The following PXN variants were observed in gnomAD, a reference collection of about 807,000 sequenced individuals.
PXN encodes paxillin.
A neutral mutation model predicts 103.6 loss-of-function variants in PXN; 61 were observed. The ratio of observed to expected loss-of-function variants is 0.59; its 90% CI spans 0.48 to 0.73. PXN has a LOEUF of 0.73. PXN is among the 30% of genes least tolerant of loss of function. The pLI is 0.00. For missense variants in PXN, 1,274 were observed against 1,460.3 expected (o/e 0.87, Z 2.08); for synonymous variants, 562 against 607.8 (o/e 0.92, Z 1.11).
In PXN at chr12:120,221,067, G is replaced by A. The variant is rs1884997175; in HGVS notation, c.831+556C>T. Reference sequence around the variant, plus strand: ...AAGCCTGGCCCCATGGTTTCCCACAGACACGCTCGTGGGAACTCAGAGGCC... The same window carrying A: ...AAGCCTGGCCCCATGGTTTCCCACAAACACGCTCGTGGGAACTCAGAGGCC... On this transcript the variant is annotated intron_variant, in intron 6 of 14. Coordinates refer to ENST00000637617, the MANE Select transcript of PXN (RefSeq NM_001385981.1). This position sits in a 1 kb window ranked among gnomAD's most constrained non-coding sequence, Gnocchi z 6.6. Among the ~76,000 whole-genome samples the A allele has an allele frequency of 6.6e-6, 1 of 152,172 alleles. No homozygotes were observed. Among genetic ancestry groups the A allele is most frequent in the African/African-American group, 2.4e-5 (1 of 41,438 alleles).
At chr12:120,231,886 C>T (rs1250235493) in intron 1 of PXN, among the ~76,000 whole-genome samples, 1 of 152,230 alleles carries the variant, frequency 6.6e-6, no homozygotes, top group East Asian at 1.9e-4. Flanking sequence ...GCAGCCACTT[C>T]CCCATCAAAT....
Position 120,219,534 on chromosome 12 carries a change from C to T in PXN, c.1389G>A (p.Glu463=), listed in dbSNP as rs1367675876. 6.3e-7 allele frequency: 1 copy of T among 1,590,552 alleles called. No homozygotes were observed. Among genetic ancestry groups the T allele is most frequent in the Non-Finnish European group, 8.5e-7 (1 of 1,176,046 alleles). Residue 463 remains glutamate (E), a synonymous_variant, in exon 7 of 15, where the codon GAG becomes GAA. Coordinates refer to ENST00000637617, the MANE Select transcript of PXN (RefSeq NM_001385981.1). The surrounding 1 kb of genome is among the most constrained non-coding windows in gnomAD (Gnocchi z 6.5). The part of the protein sequence containing the change: ...GAARSFQEVT[E]PAVVAVDRQA... The stretch of plus-strand genomic sequence containing the variant: ...GCCGGTCCACTGCCACTACAGCTGG[C>T]TCTGTTACTTCTTGGAAGCTTCGAG...
rs753277174 is a variant in PXN at position 120,216,867 on chromosome 12, G to A, written c.1966C>T (p.Arg656Trp). 16 of 1,506,176 alleles carry A rather than the reference G, an allele frequency of 1.1e-5. No homozygotes were observed. In the East Asian group the frequency reaches 1.7e-4, roughly 16 times the overall value. 93.3% of individuals were successfully genotyped at this position (1,506,176 alleles called of 1,614,324 possible). ...TTCTCTACGAGCTGCCCCCCGGCCC[G>A]CTTCCCACGTGGCTGCACAGTGATG... is the stretch of plus-strand genomic sequence containing the variant. ...VIITVQPRGK[R>W]AGGQLVEKVV... Residue 656 changes from arginine (R) to tryptophan (W), a missense_variant, in exon 8 of 15, where the codon CGG (arginine) becomes TGG (tryptophan). Physicochemically the swap from Arg to Trp is moderately radical, Grantham distance 101. Coordinates refer to ENST00000637617, the MANE Select transcript of PXN (RefSeq NM_001385981.1). The surrounding 1 kb of genome is among the most constrained non-coding windows in gnomAD (Gnocchi z 5.1).
intron 1 of PXN, among the ~76,000 whole-genome samples, chr12:120,235,892 C>T (rs1178591239): frequency 6.6e-6 from 1 of 152,174 alleles, no homozygotes; most frequent in Non-Finnish European, 1.5e-5. Context: ...GCCCCGGGAA[C>T]CAACCTCTGA....
chr12:120,261,796 G>A (rs1323119452), intron 1 of PXN, among the ~76,000 whole-genome samples: 2 of 152,226 alleles, frequency 1.3e-5, no homozygotes, highest in Admixed American at 1.3e-4. Flanking sequence ...TGAACCTATA[G>A]TGACAGGGCT....
chr12:120,238,283 C>T (rs1033845308), intron 1 of PXN, among the ~76,000 whole-genome samples: 5 of 152,140 alleles, frequency 3.3e-5, no homozygotes, highest in South Asian at 2.1e-4. Flanking sequence ...AATGAGACCA[C>T]GTCGTAGTTA....
chr12:120,229,600 T>C lies in PXN; in HGVS notation c.14-5223A>G, dbSNP rs1057027805. ...CCCAATAGGAATTCCACCATTTTAC[T>C]CACAGGATTGGGACTACATGAGAAA... On this transcript the variant is annotated intron_variant, in intron 1 of 14. Transcript: ENST00000637617. The surrounding 1 kb of genome is among the most constrained non-coding windows in gnomAD (Gnocchi z 4.0). 5.3e-5 allele frequency among the ~76,000 whole-genome samples: 8 copies of C among 152,148 alleles called. No homozygotes were observed. The highest frequency in any genetic ancestry group is 1.9e-4 in the African/African-American group (8 of 41,428).
chr12:120,251,256 G>A (rs1041795502), intron 1 of PXN, among the ~76,000 whole-genome samples: 3 of 151,220 alleles, frequency 2.0e-5, no homozygotes, highest in Non-Finnish European at 4.4e-5. Context: ...GGTGGCTCAC[G>A]CCTGTAATCC....
chr12:120,237,150 C>T (rs777513274), intron 1 of PXN, among the ~76,000 whole-genome samples: 1,187 of 67,846 alleles, frequency 0.017, 9 homozygotes, highest in African/African-American at 0.076. Flanking sequence ...TGTGTGTATA[C>T]ACACACACAC....
chr12:120,257,577 A>G lies in PXN; in HGVS notation c.13+8040T>C, dbSNP rs554302628. On this transcript the variant is annotated intron_variant, in intron 1 of 14. Coordinates refer to ENST00000637617, the MANE Select transcript of PXN (RefSeq NM_001385981.1). ...ACCAGGGCCCTCACCTCTGCCTCAG[A>G]GCCAAGAGGGCCACTGGTGCCAGAA... Among the ~76,000 whole-genome samples the G allele has an allele frequency of 3.0e-3, 455 of 152,262 alleles. 2 individuals carry two copies. Among genetic ancestry groups the G allele is most frequent in the Non-Finnish European group, 5.7e-3 (388 of 68,018 alleles).
chr12:120,251,668 T>C (rs58733148), intron 1 of PXN, among the ~76,000 whole-genome samples: 2,703 of 149,408 alleles, frequency 0.018, 71 homozygotes, highest in African/African-American at 0.062. Context: ...AATACAAAAA[T>C]TAGCTGGGCG....
At position 120,215,581 on chromosome 12, in the gene PXN, G is replaced by A. The variant is rs543388127; in HGVS notation, c.2382C>T (p.Pro794=). 8.1e-6 allele frequency: 13 copies of A among 1,605,084 alleles called. No individual in the cohort carries two copies. Among genetic ancestry groups the A allele is most frequent in the South Asian group, 5.5e-5 (5 of 90,620 alleles). The change falls in exon 10 of 15, where the codon CCC becomes CCT. Residue 794 remains proline (P), a synonymous_variant. Transcript: ENST00000637617. The surrounding 1 kb of genome is among the most constrained non-coding windows in gnomAD (Gnocchi z 4.9). ...GWPRDGGRSS[P]GGQDEGGFMA... is the part of the protein sequence containing the mutation. ...TGACCCCTCCCTCGTCCTGCCCTCCGGGGCTGCTCCGCCCGCCGTCCCGAG... is the reference window on the plus strand; with the variant it reads ...TGACCCCTCCCTCGTCCTGCCCTCCAGGGCTGCTCCGCCCGCCGTCCCGAG...
At position 120,215,455 on chromosome 12, in the gene PXN, C is replaced by T. The variant is rs1004795127; in HGVS notation, c.2403+105G>A. The T allele has an allele frequency of 2.2e-5, 32 of 1,468,608 alleles. No individual in the cohort carries two copies. The highest frequency in any genetic ancestry group is 1.8e-4 in the Middle Eastern group (1 of 5,552). 91.0% of individuals were successfully genotyped at this position (1,468,608 alleles called of 1,614,324 possible). A position where few individuals can be genotyped will look rare whatever the true frequency, so the allele number is the denominator to read the frequency against. On this transcript the variant is annotated intron_variant, in intron 10 of 14. Coordinates refer to ENST00000637617, the MANE Select transcript of PXN (RefSeq NM_001385981.1). The surrounding 1 kb of genome is among the most constrained non-coding windows in gnomAD (Gnocchi z 4.9). ...TGACGTCAGCAGGACTCCTGGTGGT[C>T]GGAGGGGCCCACCAGGGTCGGAAAG...
chr12:120,215,911 C>T lies in PXN; in HGVS notation c.2302-250G>A, dbSNP rs2136206091. On this transcript the variant is annotated intron_variant, in intron 9 of 14. Coordinates refer to ENST00000637617, the MANE Select transcript of PXN (RefSeq NM_001385981.1). The surrounding 1 kb of genome is among the most constrained non-coding windows in gnomAD (Gnocchi z 4.9). ...GAAATGGCAAGGGGAGGTGGCCGGG[C>T]TCAGTGATGAGGCCTCACCGGGCGC... 1 of 1,395,294 alleles carries T rather than the reference C, an allele frequency of 7.2e-7. No homozygotes were observed. The allele number at this position is 1,395,294 out of a possible 1,614,324, so 86.4% of individuals were successfully genotyped here.
Position 120,216,002 on chromosome 12 carries a change from C to A in PXN, c.2301+271G>T. 2 of 1,352,266 alleles carry A rather than the reference C, an allele frequency of 1.5e-6. No individual in the cohort carries two copies. The highest frequency in any genetic ancestry group is 1.9e-6 in the Non-Finnish European group (2 of 1,053,040). The allele number at this position is 1,352,266 out of a possible 1,614,324, so 83.8% of individuals were successfully genotyped here. Reference sequence around the variant, plus strand: ...TCCCTTCTGGAGTGGCTTCTTTCCTCGATGGGAGCCCGGGGCAGTACTGAG... The same window carrying A: ...TCCCTTCTGGAGTGGCTTCTTTCCTAGATGGGAGCCCGGGGCAGTACTGAG... On this transcript the variant is annotated intron_variant, in intron 9 of 14. Transcript: ENST00000637617. This position sits in a 1 kb window ranked among gnomAD's most constrained non-coding sequence, Gnocchi z 5.1.
At chr12:120,231,759 G>A (rs548465962) in intron 1 of PXN, among the ~76,000 whole-genome samples, 2 of 152,332 alleles carry the variant, frequency 1.3e-5, no homozygotes, top group South Asian at 4.1e-4. Flanking sequence ...AGAGACCTGA[G>A]AAAATAATGG....
chr12:120,236,174 G>A (rs1888996841), intron 1 of PXN, among the ~76,000 whole-genome samples: 2 of 152,252 alleles, frequency 1.3e-5, no homozygotes, highest in African/African-American at 4.8e-5. Flanking sequence ...GGGCTGCAGA[G>A]GGCACAACAC....
intron 1 of PXN, among the ~76,000 whole-genome samples, chr12:120,257,779 G>A (rs567566492): frequency 1.3e-5 from 2 of 152,302 alleles, no homozygotes; most frequent in Admixed American, 1.3e-4. Context: ...AGCCATCACT[G>A]CCCACAGGTT....
intron 1 of PXN, among the ~76,000 whole-genome samples, chr12:120,232,888 T>A (rs966421696): frequency 2.6e-5 from 4 of 152,240 alleles, no homozygotes; most frequent in African/African-American, 7.2e-5. Flanking sequence ...CTTCCCCTTT[T>A]TTCAGGCAGC....
Sources: allele counts gnomAD v4.1 joint callset (sites outside exome capture counted in the v4.1 genomes callset), GRCh38; gene constraint gnomAD v4.1.1; non-coding constraint Gnocchi (gnomAD v3.1); transcripts MANE v1.5; gene names NCBI Gene and HGNC (gene_info 2026-07-23, HGNC 2026-07-21).